The following PLEKHG1 variants were observed in gnomAD, a reference collection of about 807,000 sequenced individuals.
PLEKHG1 encodes the protein pleckstrin homology and RhoGEF domain containing G1.
In PLEKHG1, 44 loss-of-function variants were observed where a neutral mutation model predicts 100.8. That is an observed-to-expected ratio of 0.44 (90% CI 0.34 to 0.56). The LOEUF (loss-of-function observed/expected upper bound fraction) is 0.56. PLEKHG1 is among the 20% of genes least tolerant of loss of function. The probability of loss-of-function intolerance (pLI) is 0.01; values close to 1 mark genes in which losing one functional copy is unlikely to be tolerated. For synonymous variants in PLEKHG1, 640 were observed against 662.5 expected, an observed-to-expected ratio of 0.97 and a Z score of 0.52; for missense variants, 1,545 against 1,720.9, an observed-to-expected ratio of 0.90 and a Z score of 1.81.
At chr6:150,702,704 C>T (rs534102683) in intron 3 of PLEKHG1, among the ~76,000 whole-genome samples, 1 of 152,206 alleles carries the variant, frequency 6.6e-6, no homozygotes, top group African/African-American at 2.4e-5. Context: ...AAATAAAAAA[C>T]ATAAGCAAAA....
intron 3 of PLEKHG1, chr6:150,662,988 A>T (rs1727221311): frequency 6.6e-6 from 1 of 152,202 alleles, no homozygotes; most frequent in Non-Finnish European, 1.5e-5. Context: ...TCATGGGGTC[A>T]CTTTAGAGTA....
rs115497607 is a variant in PLEKHG1 at position 150,607,479 on chromosome 6, A to G, written c.-204+7462A>G. On this transcript the variant is annotated intron_variant, in intron 1 of 3. Coordinates refer to the PLEKHG1 transcript ENST00000367326. ...TAACCTGCTATTAGTTTAAGCATCTATGTTGTGCTAAAGTATTAGAGCTGC... is the reference window on the plus strand; with the variant it reads ...TAACCTGCTATTAGTTTAAGCATCTGTGTTGTGCTAAAGTATTAGAGCTGC... Among the ~76,000 whole-genome samples the G allele has an allele frequency of 8.1e-3, 1,229 of 152,290 alleles. 16 individuals carry two copies. The highest frequency in any genetic ancestry group is 0.026 in the African/African-American group (1,101 of 41,554).
At chr6:150,749,785 C>T (rs1243814075) in intron 2 of PLEKHG1, among the ~76,000 whole-genome samples, 4 of 152,090 alleles carry the variant, frequency 2.6e-5, no homozygotes, top group Non-Finnish European at 4.4e-5. Context: ...AGAAAATGCA[C>T]CCAAAGGGCT....
intron 12 of PLEKHG1, among the ~76,000 whole-genome samples, chr6:150,820,972 T>C (rs930904955): frequency 2.0e-5 from 3 of 152,192 alleles, no homozygotes; most frequent in African/African-American, 7.2e-5. Flanking sequence ...TGCTTTTCTG[T>C]TGGGTGACTC....
At chr6:150,801,737 T>G (rs6939475) in intron 6 of PLEKHG1, among the ~76,000 whole-genome samples, 59,263 of 151,440 alleles carry the variant, frequency 0.39, 13,092 homozygotes, top group East Asian at 0.7. Flanking sequence ...ACCACGCCCG[T>G]CCTCAAATTC....
intron 2 of PLEKHG1, among the ~76,000 whole-genome samples, chr6:150,758,771 T>G: frequency 6.6e-6 from 1 of 152,258 alleles, no homozygotes; most frequent in Non-Finnish European, 1.5e-5. Context: ...GATGCTCTTC[T>G]ACACAGCTCC....
intron 3 of PLEKHG1, among the ~76,000 whole-genome samples, chr6:150,703,022 C>G (rs759661993): frequency 9.9e-5 from 15 of 152,154 alleles, no homozygotes; most frequent in Non-Finnish European, 1.8e-4. Context: ...TCAGCAAGGC[C>G]TGTGTTTTCA....
chr6:150,810,122 C>A (rs374307238), intron 10 of PLEKHG1, among the ~76,000 whole-genome samples: 3 of 151,864 alleles, frequency 2.0e-5, no homozygotes, highest in African/African-American at 7.2e-5. Flanking sequence ...AAAGTGATAC[C>A]CCCATCTCTA....
intron 2 of PLEKHG1, among the ~76,000 whole-genome samples, chr6:150,761,432 C>G (rs1412913232): frequency 6.6e-6 from 1 of 152,114 alleles, no homozygotes; most frequent in Non-Finnish European, 1.5e-5. Context: ...CTCAGCCTCT[C>G]GAGTAGCTGA....
At chr6:150,709,219 AGCTACTTAAGGAG>A (rs1352604745) in intron 3 of PLEKHG1, among the ~76,000 whole-genome samples, 1 of 152,164 alleles carries the variant, frequency 6.6e-6, no homozygotes, top group East Asian at 1.9e-4. Context: ...TGTAGTTCCC[AGCTACTTAAGGAG>A]GCTGAGGCAG....
At chr6:150,708,287 A>C (rs1781105136) in intron 3 of PLEKHG1, among the ~76,000 whole-genome samples, 2 of 152,164 alleles carry the variant, frequency 1.3e-5, no homozygotes, top group African/African-American at 4.8e-5. Context: ...TCTCACCAGA[A>C]GAATGGCCTT....
chr6:150,620,500 A>G (rs911908984), intron 1 of PLEKHG1, among the ~76,000 whole-genome samples: 2 of 152,152 alleles, frequency 1.3e-5, no homozygotes, highest in African/African-American at 4.8e-5. Context: ...CTATGTAAAC[A>G]CTGTCACTCC....
At chr6:150,752,825 T>C (rs1480502395) in intron 2 of PLEKHG1, among the ~76,000 whole-genome samples, 1 of 152,138 alleles carries the variant, frequency 6.6e-6, no homozygotes, top group East Asian at 1.9e-4. Context: ...AGATTCTTTA[T>C]TTTAGTCGTG....
intron 1 of PLEKHG1, among the ~76,000 whole-genome samples, chr6:150,614,799 G>A (rs1341338863): frequency 3.3e-5 from 5 of 152,194 alleles, no homozygotes. Flanking sequence ...CTTCTGGTCA[G>A]TGCACCACCC....
Position 150,721,232 on chromosome 6 carries a change from G to C in PLEKHG1, c.-99+32G>C, listed in dbSNP as rs192690332. The C allele has an allele frequency of 9.6e-6, 9 of 942,350 alleles. No individual in the cohort carries two copies. The African/African-American group carries it at 1.6e-4, about 17-fold the overall frequency. 58.4% of individuals were successfully genotyped at this position (942,350 alleles called of 1,614,324 possible). On this transcript the variant is annotated intron_variant, in intron 1 of 15. Coordinates refer to ENST00000358517, the Ensembl canonical transcript of PLEKHG1. ...GCTAATGTGAGTGTCCCCAAAGAAA[G>C]GATGCAGGAACAAACGCTCCTTCCC...
At chr6:150,737,679 T>C (rs1782643078) in intron 2 of PLEKHG1, among the ~76,000 whole-genome samples, 1 of 152,226 alleles carries the variant, frequency 6.6e-6, no homozygotes, top group Non-Finnish European at 1.5e-5. Flanking sequence ...ATGTTGTAAA[T>C]GACTTCTCTA....
chr6:150,681,349 C>T (rs1416705010), intron 3 of PLEKHG1, among the ~76,000 whole-genome samples: 1 of 151,312 alleles, frequency 6.6e-6, no homozygotes, highest in South Asian at 2.1e-4. Flanking sequence ...CCCTCTCTAC[C>T]GAAAATACAA....
At chr6:150,650,058 CAAAA>C (rs11330738) in intron 2 of PLEKHG1, among the ~76,000 whole-genome samples, 8 of 126,670 alleles carry the variant, frequency 6.3e-5, no homozygotes, top group African/African-American at 1.2e-4. Context: ...AACTTTGTCT[CAAAA>C]AAAAAAAAAA....
intron 1 of PLEKHG1, among the ~76,000 whole-genome samples, chr6:150,732,514 T>C (rs946569871): frequency 6.6e-6 from 1 of 152,262 alleles, no homozygotes; most frequent in Non-Finnish European, 1.5e-5. Context: ...AACTTCATCA[T>C]TGTATGAACA....
Sources: allele counts gnomAD v4.1 joint callset (sites outside exome capture counted in the v4.1 genomes callset), GRCh38; gene constraint gnomAD v4.1.1; transcripts MANE v1.5; gene names NCBI Gene and HGNC (gene_info 2026-07-23, HGNC 2026-07-21).